LRSAM1: variants seen among roughly 807,000 people sequenced by gnomAD.
The protein encoded by LRSAM1 is E3 ubiquitin-protein ligase LRSAM1.
Under a neutral mutation model 118.1 loss-of-function variants are expected in LRSAM1, and 96 were observed. The observed-to-expected ratio is 0.81, with a 90% CI of 0.69 to 0.96. The LOEUF (loss-of-function observed/expected upper bound fraction) is 0.96. Among genes scored for constraint, LRSAM1 ranks in the 40% least tolerant of loss-of-function variants. The pLI is 0.00. For synonymous variants in LRSAM1, 322 were observed against 364.2 expected (o/e 0.88, Z 1.32); for missense variants, 804 against 915.5 (o/e 0.88, Z 1.57).
intron 3 of LRSAM1, 65 bp from the exon 4 acceptor site, chr9:127,454,933 C>G: frequency 6.8e-7 from 1 of 1,469,142 alleles, no homozygotes; most frequent in East Asian, 2.3e-5. Context: ...TGTTCTTTGC[C>G]TGGCTTGTCC....
chr9:127,495,942 G>T, intron 22 of LRSAM1, 22 bp from the exon 23 acceptor site: 2 of 1,611,630 alleles, frequency 1.2e-6, no homozygotes, highest in Non-Finnish European at 1.7e-6. Flanking sequence ...TCCTGCTCAT[G>T]GTACACGTTT....
chr9:127,485,429 C>A (rs1396900658), intron 16 of LRSAM1, among the ~76,000 whole-genome samples: 2 of 152,016 alleles, frequency 1.3e-5, no homozygotes, highest in Non-Finnish European at 2.9e-5. Flanking sequence ...TGGTGGCAGG[C>A]GTCTGTAGTC....
At chr9:127,463,417 C>G (rs1044347913) in intron 9 of LRSAM1, among the ~76,000 whole-genome samples, 1 of 151,840 alleles carries the variant, frequency 6.6e-6, no homozygotes, top group Admixed American at 6.6e-5. Flanking sequence ...TTATCCAGGC[C>G]AGGGGAGTTC....
chr9:127,464,426 C>G lies in LRSAM1; in HGVS notation c.528+2053C>G, dbSNP rs1834858972. Among the ~76,000 whole-genome samples the G allele has an allele frequency of 3.4e-5, 5 of 146,822 alleles. No homozygotes were observed. The Admixed American group carries it at 3.6e-4, about 11-fold the overall frequency. On this transcript the variant is annotated intron_variant, in intron 9 of 25. Coordinates refer to ENST00000300417, the MANE Select transcript of LRSAM1 (RefSeq NM_001005373.4). ...ATCTATTGAGCACCTGGAGACCGTGCTGTCCAGAGCGGCAGCCGCTGGCCA... is the reference window on the plus strand; with the variant it reads ...ATCTATTGAGCACCTGGAGACCGTGGTGTCCAGAGCGGCAGCCGCTGGCCA...
At chr9:127,491,107 C>T in intron 19 of LRSAM1, 108 bp from the exon 20 acceptor site, 1 of 896,124 alleles carries the variant, frequency 1.1e-6, no homozygotes, top group Non-Finnish European at 1.9e-6. Context: ...CCTCCCCAGC[C>T]TCCCCAGAAA....
intron 2 of LRSAM1, among the ~76,000 whole-genome samples, chr9:127,453,210 T>G (rs1221342736): frequency 6.6e-6 from 1 of 152,206 alleles, no homozygotes; most frequent in East Asian, 1.9e-4. Context: ...GCCTTCCAAG[T>G]GGCTGGGACT....
chr9:127,485,656 G>C, intron 16 of LRSAM1, 80 bp from the exon 17 acceptor site: 1 of 1,337,496 alleles, frequency 7.5e-7, no homozygotes, highest in South Asian at 1.2e-5. Flanking sequence ...CAGTTCCTGT[G>C]GAAATCCCTG....
At chr9:127,479,320 G>C (rs557383422) in intron 12 of LRSAM1, 63 bp from the exon 13 acceptor site, 3 of 1,612,546 alleles carry the variant, frequency 1.9e-6, no homozygotes, top group Admixed American at 1.7e-5. Flanking sequence ...GGATTCTCCC[G>C]ACTTCTGTGT....
At chr9:127,479,571 G>T in intron 13 of LRSAM1, 66 bp downstream of exon 13, 1 of 1,604,046 alleles carries the variant, frequency 6.2e-7, no homozygotes. Context: ...CCTGGCTTGG[G>T]CCAAGGTCCC....
chr9:127,496,160 G>T (rs1218070486), intron 23 of LRSAM1, 65 bp downstream of exon 23: 1 of 1,593,072 alleles, frequency 6.3e-7, no homozygotes, highest in Non-Finnish European at 8.5e-7. Context: ...CCAGCCGGGG[G>T]TTGATCTGCT....
At chr9:127,472,994 G>A (rs1835229462) in intron 10 of LRSAM1, among the ~76,000 whole-genome samples, 1 of 152,150 alleles carries the variant, frequency 6.6e-6, no homozygotes, top group Non-Finnish European at 1.5e-5. Context: ...CCCATGAGGA[G>A]TGGCTGGGAG....
chr9:127,482,713 T>G (rs962235748), intron 15 of LRSAM1, among the ~76,000 whole-genome samples: 3 of 152,232 alleles, frequency 2.0e-5, no homozygotes, highest in Non-Finnish European at 4.4e-5. Flanking sequence ...GCTATTTGCT[T>G]CTTTTGCCCA....
chr9:127,457,756 G>A (rs565252654), intron 6 of LRSAM1, among the ~76,000 whole-genome samples: 1 of 152,296 alleles, frequency 6.6e-6, no homozygotes, highest in East Asian at 1.9e-4. Context: ...GCTCCTCCCC[G>A]GATGGGCTGG....
intron 11 of LRSAM1, among the ~76,000 whole-genome samples, chr9:127,475,733 A>AT (rs1835327496): frequency 6.6e-6 from 1 of 151,646 alleles, no homozygotes; most frequent in Non-Finnish European, 1.5e-5. Context: ...GTCAAAAAAG[A>AT]TTTTATTATT....
At chr9:127,461,343 G>C (rs1834736927) in intron 8 of LRSAM1, 86 bp downstream of exon 8, 1 of 1,257,884 alleles carries the variant, frequency 7.9e-7, no homozygotes, top group African/African-American at 1.5e-5. Flanking sequence ...CCGCCCGGGA[G>C]CCATTGAGCA....
Position 127,467,282 on chromosome 9 carries a change from G to A in LRSAM1, c.529-458G>A, listed in dbSNP as rs1054615146. On this transcript the variant is annotated intron_variant, in intron 9 of 25. Transcript: ENST00000300417. ...AGTTACAAAAAATAAACAGTTCCAGGTGCAGGGGCTTAAACTATCACAAAG... is the reference window on the plus strand; with the variant it reads ...AGTTACAAAAAATAAACAGTTCCAGATGCAGGGGCTTAAACTATCACAAAG... Among the ~76,000 whole-genome samples the A allele has an allele frequency of 2.7e-5, 4 of 150,684 alleles. No individual in the cohort carries two copies. In the South Asian group the frequency reaches 6.3e-4, roughly 24 times the overall value.
rs934976360 is a variant in LRSAM1 at position 127,495,474 on chromosome 9, G to A, written c.1698+56G>A. ...GGAGCCCTGGGGACCTCCTCCCAGA[G>A]GCGCCTGTGGTGCCTCCACCATGCT... On this transcript the variant is annotated intron_variant, in intron 22 of 25. Coordinates refer to ENST00000300417, the MANE Select transcript of LRSAM1 (RefSeq NM_001005373.4). 754 of 1,471,160 alleles carry A rather than the reference G, an allele frequency of 5.1e-4. 4 individuals are homozygous for A. Among genetic ancestry groups the A allele is most frequent in the Non-Finnish European group, 6.7e-4 (707 of 1,053,628 alleles). 91.1% of individuals were successfully genotyped at this position (1,471,160 alleles called of 1,614,324 possible).
At chr9:127,477,239 G>T (rs925817336) in intron 11 of LRSAM1, among the ~76,000 whole-genome samples, 2 of 152,180 alleles carry the variant, frequency 1.3e-5, no homozygotes, top group Non-Finnish European at 2.9e-5. Flanking sequence ...CCAGGGTTAG[G>T]CTGGAGTGGT....
intron 9 of LRSAM1, among the ~76,000 whole-genome samples, chr9:127,466,607 C>A (rs1554755108): frequency 6.9e-6 from 1 of 144,910 alleles, no homozygotes; most frequent in Non-Finnish European, 1.5e-5. Flanking sequence ...CCCACCTTGG[C>A]CTCCCAAAGT....
Sources: gnomAD v4.1 joint callset for allele counts (sites outside exome capture counted in the v4.1 genomes callset) on GRCh38, gnomAD v4.1.1 for gene constraint, MANE v1.5 for transcripts, NCBI Gene and HGNC (gene_info 2026-07-23, HGNC 2026-07-21) for gene names.